The following RMST variants were observed in gnomAD, a reference collection of about 807,000 sequenced individuals.
The protein encoded by RMST is long intergenic non-protein coding RNA 54.
chr12:97,557,562 C>T (rs187822949), intron 11 of RMST, among the ~76,000 whole-genome samples: 14 of 152,232 alleles, frequency 9.2e-5, no homozygotes, highest in African/African-American at 2.4e-4. Flanking sequence ...CGTTTAGTGC[C>T]TCCTCTTTCC....
At chr12:97,519,614 T>G (rs1233640772) in intron 10 of RMST, among the ~76,000 whole-genome samples, 1 of 152,216 alleles carries the variant, frequency 6.6e-6, no homozygotes, top group Non-Finnish European at 1.5e-5. Flanking sequence ...CTTGCTTAGC[T>G]CTTTGAAAGT....
chr12:97,544,618 A>T (rs539593073), intron 11 of RMST, among the ~76,000 whole-genome samples: 1 of 152,200 alleles, frequency 6.6e-6, no homozygotes, highest in South Asian at 2.1e-4. Context: ...ATTGTAAATT[A>T]TGTTCATTAC....
At chr12:97,509,315 G>C (rs1449707488) in intron 10 of RMST, among the ~76,000 whole-genome samples, 4 of 152,188 alleles carry the variant, frequency 2.6e-5, no homozygotes, top group Non-Finnish European at 5.9e-5. Context: ...ATTGAAATTT[G>C]TTGAAGTCTG....
intron 11 of RMST, among the ~76,000 whole-genome samples, chr12:97,552,861 A>T (rs1054151868): frequency 6.6e-6 from 1 of 152,164 alleles, no homozygotes; most frequent in African/African-American, 2.4e-5. Context: ...TGCTTTCAGA[A>T]TTGGAAGAAA....
intron 5 of RMST, chr12:97,491,928 G>T (rs1402032840): frequency 1.9e-6 from 1 of 533,318 alleles, no homozygotes; most frequent in Non-Finnish European, 3.9e-6. Context: ...AGCTGCCAAA[G>T]GCGCTTCTCC....
At chr12:97,505,962 C>T (rs1013694112) in intron 10 of RMST, among the ~76,000 whole-genome samples, 1 of 152,216 alleles carries the variant, frequency 6.6e-6, no homozygotes, top group African/African-American at 2.4e-5. Flanking sequence ...GTAATACATG[C>T]AGGTGTGAAC....
intron 5 of RMST, among the ~76,000 whole-genome samples, chr12:97,470,868 T>C (rs376415335): frequency 3.3e-5 from 5 of 152,214 alleles, no homozygotes; most frequent in African/African-American, 1.2e-4. Context: ...TCCTTAACCA[T>C]CATAAAGTTT....
At chr12:97,547,913 C>T (rs1285922087) in intron 11 of RMST, among the ~76,000 whole-genome samples, 1 of 151,978 alleles carries the variant, frequency 6.6e-6, no homozygotes, top group East Asian at 1.9e-4. Flanking sequence ...TCTCATTTGT[C>T]TATTTTTGCT....
intron 11 of RMST, among the ~76,000 whole-genome samples, chr12:97,538,031 C>T (rs1333078628): frequency 6.6e-6 from 1 of 151,296 alleles, no homozygotes; most frequent in African/African-American, 2.4e-5. Flanking sequence ...GATGGATAAG[C>T]CACCTTGCAA....
intron 11 of RMST, among the ~76,000 whole-genome samples, chr12:97,550,953 G>C (rs571420728): frequency 2.0e-5 from 3 of 152,096 alleles, no homozygotes; most frequent in African/African-American, 7.2e-5. Flanking sequence ...TCGCAACTCA[G>C]AAAAGTGGAC....
At chr12:97,474,799 A>C (rs982523806) in intron 5 of RMST, among the ~76,000 whole-genome samples, 2 of 152,132 alleles carry the variant, frequency 1.3e-5, no homozygotes, top group African/African-American at 4.8e-5. Context: ...TTGCTGGATC[A>C]TAATGTCCAA....
chr12:97,560,255 T>G (rs1413020463), intron 11 of RMST, among the ~76,000 whole-genome samples: 1 of 152,198 alleles, frequency 6.6e-6, no homozygotes, highest in Non-Finnish European at 1.5e-5. Context: ...AGGACTTTCC[T>G]TGTTCATTCC....
rs528213960 is a variant in RMST at position 97,530,344 on chromosome 12, T to A, written n.1341-311T>A. On this transcript the variant is annotated intron_variant and non_coding_transcript_variant, in intron 10 of 13. Transcript: ENST00000640149. ...AAACCCTAGGAACTACTGTCTGAGA[T>A]CTGAATGTATTCTTGGTTCCAAATC... The A allele has an allele frequency of 7.9e-5, 12 of 152,218 alleles. No homozygotes were observed. In the South Asian group the frequency reaches 8.3e-4, roughly 11 times the overall value. 9.4% of individuals were successfully genotyped at this position (152,218 alleles called of 1,614,324 possible). A position where few individuals can be genotyped will look rare whatever the true frequency, so the allele number is the denominator to read the frequency against.
chr12:97,495,158 T>C (rs1299337758), intron 9 of RMST, among the ~76,000 whole-genome samples: 3 of 125,294 alleles, frequency 2.4e-5, no homozygotes, highest in African/African-American at 6.9e-5. Flanking sequence ...ATATAAATTA[T>C]GTACATCATT....
intron 5 of RMST, among the ~76,000 whole-genome samples, chr12:97,471,868 A>G (rs1430215524): frequency 6.6e-6 from 1 of 152,126 alleles, no homozygotes; most frequent in African/African-American, 2.4e-5. Flanking sequence ...TTTTTCCTCC[A>G]TATTAACGGC....
intron 10 of RMST, among the ~76,000 whole-genome samples, chr12:97,507,074 T>G (rs773410565): frequency 6.6e-6 from 1 of 152,040 alleles, no homozygotes; most frequent in Non-Finnish European, 1.5e-5. Context: ...TGAGTGTACA[T>G]GTATGTGAGG....
At chr12:97,494,401 T>C (rs1057039034) in intron 8 of RMST, among the ~76,000 whole-genome samples, 17 of 152,220 alleles carry the variant, frequency 1.1e-4, no homozygotes, top group Admixed American at 4.6e-4. Flanking sequence ...ATAAGAAAAT[T>C]AATCCGGGTG....
At chr12:97,521,025 A>C (rs998791594) in intron 10 of RMST, among the ~76,000 whole-genome samples, 1 of 152,206 alleles carries the variant, frequency 6.6e-6, no homozygotes, top group African/African-American at 2.4e-5. Flanking sequence ...AAATCTTTAA[A>C]ATGAAATGTA....
chr12:97,475,492 A>T (rs1004225081), intron 5 of RMST, among the ~76,000 whole-genome samples: 4 of 152,070 alleles, frequency 2.6e-5, no homozygotes, highest in African/African-American at 9.7e-5. Context: ...ACGACCATGG[A>T]CCAATTGCTT....
Sources: allele counts gnomAD v4.1 joint callset (sites outside exome capture counted in the v4.1 genomes callset), GRCh38; gene constraint gnomAD v4.1.1; transcripts MANE v1.5; gene names NCBI Gene and HGNC (gene_info 2026-07-23, HGNC 2026-07-21).